Variants in CASK observed in about 807,000 individuals in gnomAD.
CASK encodes the protein peripheral plasma membrane protein CASK.
CASK carries 4 observed loss-of-function variants against 82.9 expected under a neutral mutation model. The ratio of observed to expected loss-of-function variants is 0.05; its 90% CI spans 0.02 to 0.11. The LOEUF is 0.11. Ranked by LOEUF, CASK falls within the 10% of genes least tolerant of loss-of-function variation. CASK has a pLI of 1.00. For missense variants in CASK, 358 were observed against 720.9 expected (o/e 0.50, Z 5.76); for synonymous variants, 259 against 253.5 (o/e 1.02, Z -0.20).
chrX:41,904,988 A>G (rs1232529718), intron 1 of CASK, among the ~76,000 whole-genome samples: 2 of 111,740 alleles, frequency 1.8e-5, no homozygotes, highest in Non-Finnish European at 3.8e-5. Flanking sequence ...TAACCAGTCC[A>G]CTGTTGACAG....
chrX:41,584,857 C>T (rs183365428), intron 14 of CASK: 9 of 112,458 alleles, frequency 8.0e-5, no homozygotes, highest in African/African-American at 2.3e-4. Context: ...GTAATATTAA[C>T]GGTAATTTAA....
In CASK at chrX:41,912,790, T is replaced by TTTTA. The variant is rs757109963; in HGVS notation, c.59+10139_59+10140insTAAA. Among the ~76,000 whole-genome samples, 855 of 97,921 alleles carry TTTTA rather than the reference T, an allele frequency of 8.7e-3. 12 individuals are homozygous for TTTTA. Among genetic ancestry groups the TTTTA allele is most frequent in the African/African-American group, 0.03 (824 of 27,696 alleles). 85.0% of individuals were successfully genotyped at this position (97,921 alleles called of 115,157 possible). ...TCTCTCCTTCCCTCTTGCAAGTAAT[T>TTTTA]TATATATATATATATATAAAATATA... On this transcript the variant is annotated intron_variant, in intron 1 of 26. Coordinates refer to ENST00000378163, the MANE Select transcript of CASK (RefSeq NM_001367721.1).
intron 18 of CASK, among the ~76,000 whole-genome samples, chrX:41,557,931 G>A (rs771985363): frequency 9.0e-6 from 1 of 111,177 alleles, no homozygotes; most frequent in South Asian, 3.7e-4. Context: ...CCTTAGAAAT[G>A]TGCATGTCTT....
At chrX:41,868,273 A>C (rs1243845268) in intron 1 of CASK, among the ~76,000 whole-genome samples, 1 of 112,537 alleles carries the variant, frequency 8.9e-6, no homozygotes, top group Non-Finnish European at 1.9e-5. Context: ...TGAAGCATGA[A>C]GAATATCTAT....
At chrX:41,840,386 G>A (rs1247696413) in intron 2 of CASK, among the ~76,000 whole-genome samples, 1 of 111,938 alleles carries the variant, frequency 8.9e-6, no homozygotes, top group South Asian at 3.7e-4. Context: ...GCACATTGCT[G>A]GCATGTAAGA....
intron 1 of CASK, among the ~76,000 whole-genome samples, chrX:41,905,738 G>A (rs2072459657): frequency 8.9e-6 from 1 of 112,535 alleles, no homozygotes; most frequent in African/African-American, 3.2e-5. Flanking sequence ...CATGCTCACT[G>A]CACACCTGCA....
chrX:41,851,200 A>G (rs1477966516), intron 2 of CASK, among the ~76,000 whole-genome samples: 1 of 111,950 alleles, frequency 8.9e-6, no homozygotes, highest in African/African-American at 3.2e-5. Context: ...TAGGAAGGAT[A>G]TGAAAAGAGT....
At chrX:41,845,548 T>G (rs918459578) in intron 2 of CASK, among the ~76,000 whole-genome samples, 5 of 111,688 alleles carry the variant, frequency 4.5e-5, no homozygotes, top group African/African-American at 1.6e-4. Context: ...ACTATTTGCA[T>G]AGTATATCAT....
intron 16 of CASK, chrX:41,562,320 A>G (rs890297370): frequency 8.9e-5 from 10 of 112,765 alleles, no homozygotes; most frequent in African/African-American, 3.2e-4. Context: ...CAATGCTTAG[A>G]GTGTTATTTA....
chrX:41,820,775 T>C (rs745822854), intron 2 of CASK, among the ~76,000 whole-genome samples: 12 of 111,338 alleles, frequency 1.1e-4, no homozygotes, highest in African/African-American at 3.9e-4. Flanking sequence ...GTGAATCTGA[T>C]ATAAGGATAG....
chrX:41,603,776 A>G (rs1319995482), intron 12 of CASK, among the ~76,000 whole-genome samples: 1 of 112,111 alleles, frequency 8.9e-6, no homozygotes, highest in Non-Finnish European at 1.9e-5. Flanking sequence ...GTTCAGAGGT[A>G]TGACAGATGG....
chrX:41,743,242 T>C (rs894599334), intron 4 of CASK, among the ~76,000 whole-genome samples: 5 of 111,790 alleles, frequency 4.5e-5, no homozygotes, highest in South Asian at 3.8e-4. Flanking sequence ...CCCCGTGTTA[T>C]TGTGGTTCAA....
In CASK at chrX:41,643,638, T is replaced by G. The variant is rs763193670; in HGVS notation, c.832-6977A>C. Among the ~76,000 whole-genome samples the G allele has an allele frequency of 6.9e-3, 769 of 112,194 alleles. 10 individuals carry two copies. The highest frequency in any genetic ancestry group is 0.024 in the African/African-American group (744 of 30,933). On this transcript the variant is annotated intron_variant, in intron 8 of 26. Coordinates refer to ENST00000378163, the MANE Select transcript of CASK (RefSeq NM_001367721.1). The stretch of plus-strand genomic sequence containing the variant: ...ACATTGATTTTGTATCCTGAGACTT[T>G]GCTGAAGTTGCTTATCAGCTTAAGG...
intron 15 of CASK, 54 bp downstream of exon 15, chrX:41,578,286 A>C: frequency 1.1e-6 from 1 of 909,252 alleles, no homozygotes; most frequent in East Asian, 3.1e-5. Context: ...GTTAGTTGAT[A>C]TAACTCATGC....
chrX:41,771,508 TATAATTTAAATAC>T (rs1427157349), intron 3 of CASK, among the ~76,000 whole-genome samples: 1 of 111,890 alleles, frequency 8.9e-6, no homozygotes, highest in Non-Finnish European at 1.9e-5. Context: ...TACACACGAA[TATAATTTAAATAC>T]ATGAAAAACA....
intron 5 of CASK, among the ~76,000 whole-genome samples, chrX:41,698,796 G>C (rs2067738844): frequency 9.0e-6 from 1 of 111,700 alleles, no homozygotes; most frequent in Admixed American, 9.6e-5. Context: ...AATTTTTTTA[G>C]AGTCAGAATA....
At chrX:41,579,983 G>C (rs1009360712) in intron 14 of CASK, among the ~76,000 whole-genome samples, 12 of 111,589 alleles carry the variant, frequency 1.1e-4, no homozygotes, top group African/African-American at 3.3e-4. Context: ...ACTGGGATTT[G>C]GGTGAGGAGC....
At chrX:41,797,047 T>C (rs1242321750) in intron 2 of CASK, among the ~76,000 whole-genome samples, 3 of 111,834 alleles carry the variant, frequency 2.7e-5, no homozygotes. Flanking sequence ...AAAAATCTTT[T>C]AAGTCCAACA....
intron 8 of CASK, among the ~76,000 whole-genome samples, chrX:41,647,825 C>T (rs1335197540): frequency 8.9e-6 from 1 of 112,085 alleles, no homozygotes; most frequent in Non-Finnish European, 1.9e-5. Context: ...AATCAATACC[C>T]TTGTGATTTC....
Sources: allele counts gnomAD v4.1 joint callset (sites outside exome capture counted in the v4.1 genomes callset), GRCh38; gene constraint gnomAD v4.1.1; transcripts MANE v1.5; gene names NCBI Gene and HGNC (gene_info 2026-07-23, HGNC 2026-07-21).